RUNX2: variants seen among roughly 807,000 people sequenced by gnomAD.
The protein encoded by RUNX2 is RUNX family transcription factor 2.
Under a neutral mutation model 51.7 loss-of-function variants are expected in RUNX2, and 10 were observed. The ratio of observed to expected loss-of-function variants is 0.19; its 90% CI spans 0.12 to 0.33. RUNX2 has a LOEUF of 0.33. Ranked by LOEUF, RUNX2 falls within the 10% of genes least tolerant of loss-of-function variation. The probability of loss-of-function intolerance (pLI) is 1.00; values close to 1 mark genes in which losing one functional copy is unlikely to be tolerated. For synonymous variants in RUNX2, 276 were observed against 273.6 expected (o/e 1.01, Z -0.09); for missense variants, 562 against 691.3 (o/e 0.81, Z 2.10).
chr6:45,367,145 G>T (rs1795268080), intron 2 of RUNX2, among the ~76,000 whole-genome samples: 1 of 152,132 alleles, frequency 6.6e-6, no homozygotes, highest in Non-Finnish European at 1.5e-5. Flanking sequence ...TCTAAGGCAA[G>T]CAGCACACTA....
chr6:45,540,793 A>T lies in RUNX2; in HGVS notation c.1022-4424A>T, dbSNP rs558329153. Among the ~76,000 whole-genome samples, 18 of 137,190 alleles carry T rather than the reference A, an allele frequency of 1.3e-4. No homozygotes were observed. In the East Asian group the frequency reaches 3.9e-3, roughly 30 times the overall value. 90.0% of individuals were successfully genotyped at this position (137,190 alleles called of 152,430 possible). ...TCATCTAGTCTCCCCAGGGCTCCCT[A>T]GTGTGGATCTACACCCAGATACTGG... On this transcript the variant is annotated intron_variant, in intron 7 of 8. Coordinates refer to ENST00000647337, the MANE Select transcript of RUNX2 (RefSeq NM_001024630.4).
At chr6:45,505,841 A>G (rs1800951005) in intron 6 of RUNX2, among the ~76,000 whole-genome samples, 1 of 152,326 alleles carries the variant, frequency 6.6e-6, no homozygotes, top group African/African-American at 2.4e-5. Context: ...CGATTCTGAC[A>G]TTGGTGCTCC....
intron 5 of RUNX2, among the ~76,000 whole-genome samples, chr6:45,474,276 A>G (rs1332803850): frequency 1.3e-5 from 2 of 152,162 alleles, no homozygotes; most frequent in African/African-American, 4.8e-5. Context: ...TAAAGTGAAT[A>G]AAAGTTTAGT....
rs398001403 is a variant in RUNX2 at position 45,547,896 on chromosome 6, GTTTT to G, written c.*605_*608del. ...GGTCCTCATCTGAACTGTTGGGTTC[GTTTT>G]TTTTTTTTTTTTTCCTGCTCCAAGA... On this transcript the variant is annotated 3_prime_UTR_variant, in exon 9 of 9. Transcript: ENST00000647337. 824 of 135,588 alleles carry G rather than the reference GTTTT, an allele frequency of 6.1e-3. 9 individuals are homozygous for G. The highest frequency in any genetic ancestry group is 0.021 in the African/African-American group (763 of 35,720). The allele number at this position is 135,588 out of a possible 1,614,324, so 8.4% of individuals were successfully genotyped here. A position where few individuals can be genotyped will look rare whatever the true frequency, so the allele number is the denominator to read the frequency against.
intron 2 of RUNX2, among the ~76,000 whole-genome samples, chr6:45,391,204 G>C (rs1797461767): frequency 6.6e-6 from 1 of 152,162 alleles, no homozygotes. Context: ...GCTGGGGCCT[G>C]GTTGAAGGTG....
chr6:45,330,358 T>C (rs1787215712), intron 2 of RUNX2, among the ~76,000 whole-genome samples: 2 of 151,766 alleles, frequency 1.3e-5, no homozygotes, highest in Non-Finnish European at 2.9e-5. Context: ...ACCCAAGAGA[T>C]AAAAGGAAAA....
At chr6:45,441,311 T>C (rs747410348) in intron 5 of RUNX2, among the ~76,000 whole-genome samples, 2 of 152,128 alleles carry the variant, frequency 1.3e-5, no homozygotes, top group Admixed American at 6.5e-5. Context: ...CAAGGACAAA[T>C]TCTGGGTTAA....
At chr6:45,528,643 A>G (rs1406334116) in intron 7 of RUNX2, among the ~76,000 whole-genome samples, 3 of 152,126 alleles carry the variant, frequency 2.0e-5, no homozygotes, top group African/African-American at 7.2e-5. Context: ...GATGCACTTC[A>G]ATGGAAAGCA....
intron 3 of RUNX2, among the ~76,000 whole-genome samples, chr6:45,428,567 T>C (rs752628556): frequency 2.6e-5 from 4 of 152,144 alleles, no homozygotes; most frequent in Non-Finnish European, 5.9e-5. Flanking sequence ...CTCAGCCTCA[T>C]AGAAGGCTCA....
chr6:45,442,676 C>T (rs1007104912), intron 5 of RUNX2, among the ~76,000 whole-genome samples: 1 of 152,160 alleles, frequency 6.6e-6, no homozygotes, highest in Admixed American at 6.5e-5. Context: ...AAACTACCCT[C>T]GAATATAACA....
At chr6:45,366,678 T>C (rs927466765) in intron 2 of RUNX2, among the ~76,000 whole-genome samples, 3 of 152,210 alleles carry the variant, frequency 2.0e-5, no homozygotes, top group Non-Finnish European at 4.4e-5. Flanking sequence ...AAACAAATAC[T>C]AAGTAGCTTC....
At chr6:45,336,720 A>G (rs964340557) in intron 2 of RUNX2, among the ~76,000 whole-genome samples, 1 of 151,444 alleles carries the variant, frequency 6.6e-6, no homozygotes, top group Non-Finnish European at 1.5e-5. Flanking sequence ...TAAAGTATTT[A>G]CTTACAAAGT....
chr6:45,455,446 C>T (rs1441296184), intron 5 of RUNX2, among the ~76,000 whole-genome samples: 1 of 152,074 alleles, frequency 6.6e-6, no homozygotes, highest in Non-Finnish European at 1.5e-5. Context: ...GCTTTAATAA[C>T]GTATCCATAT....
At position 45,404,933 on chromosome 6, in the gene RUNX2, C is replaced by T. The variant is rs558573173; in HGVS notation, c.59-17660C>T. 1.2e-4 allele frequency among the ~76,000 whole-genome samples: 19 copies of T among 152,360 alleles called. No homozygotes were observed. The East Asian group carries it at 3.7e-3, about 29-fold the overall frequency. ...TCTGATTAACCCTCTTGCCTTTTGG[C>T]AGATCATTGTTGAAACTTATCCCGG... On this transcript the variant is annotated intron_variant, in intron 2 of 8. Coordinates refer to ENST00000647337, the MANE Select transcript of RUNX2 (RefSeq NM_001024630.4).
chr6:45,377,438 C>G (rs920160861), intron 2 of RUNX2: 1 of 152,494 alleles, frequency 6.6e-6, no homozygotes, highest in African/African-American at 2.4e-5. Flanking sequence ...GCAGCCCCCA[C>G]ACTACCTAGA....
intron 7 of RUNX2, among the ~76,000 whole-genome samples, chr6:45,530,025 A>C (rs1191119752): frequency 3.9e-5 from 6 of 152,190 alleles, no homozygotes; most frequent in Non-Finnish European, 7.3e-5. Context: ...AAACTAGGGA[A>C]CTGGAGATGT....
At position 45,422,625 on chromosome 6, in the gene RUNX2, T is replaced by C; in HGVS notation, c.91T>C (p.Ser31Pro). The C allele has an allele frequency of 6.3e-7, 1 of 1,580,460 alleles. No individual in the cohort carries two copies. The highest frequency in any genetic ancestry group is 2.4e-5 in the East Asian group (1 of 42,130). Residue 31 changes from serine to proline, a missense_variant, in exon 3 of 9, where the codon TCC becomes CCC. Physicochemically the swap from Ser to Pro is moderately conservative, Grantham distance 74 (BLOSUM62 -1). Coordinates refer to ENST00000647337, the MANE Select transcript of RUNX2 (RefSeq NM_001024630.4). The stretch of plus-strand genomic sequence containing the variant: ...CACCAGCCGGCGCTTCAGCCCCCCC[T>C]CCAGCAGCCTGCAGCCCGGCAAAAT... ...PSTSRRFSPP[S>P]SSLQPGKMSD...
At chr6:45,520,278 T>C (rs555574994) in intron 7 of RUNX2, among the ~76,000 whole-genome samples, 4 of 152,216 alleles carry the variant, frequency 2.6e-5, no homozygotes, top group South Asian at 2.1e-4. Context: ...TGGAGAAGCA[T>C]GTTTTCTATC....
chr6:45,479,077 A>G (rs922767397), intron 5 of RUNX2, among the ~76,000 whole-genome samples: 1 of 152,112 alleles, frequency 6.6e-6, no homozygotes, highest in East Asian at 1.9e-4. Context: ...AAGGGTTGTT[A>G]GTAGGATTTG....
Sources: gnomAD v4.1 joint callset for allele counts (sites outside exome capture counted in the v4.1 genomes callset) on GRCh38, gnomAD v4.1.1 for gene constraint, MANE v1.5 for transcripts, NCBI Gene and HGNC (gene_info 2026-07-23, HGNC 2026-07-21) for gene names.